The following OTOGL variants were observed in gnomAD, a reference collection of about 807,000 sequenced individuals.
OTOGL encodes otogelin-like protein.
A neutral mutation model predicts 318.5 loss-of-function variants in OTOGL; 285 were observed. The observed-to-expected ratio is 0.89, with a 90% CI of 0.81 to 0.99. OTOGL has a LOEUF of 0.99. OTOGL is among the 50% of genes least tolerant of loss of function. The pLI is 0.00. For synonymous variants in OTOGL, 987 were observed against 936.5 expected (o/e 1.05, Z -0.99); for missense variants, 2,899 against 2,845.6 (o/e 1.02, Z -0.43).
chr12:80,352,833 A>C (rs1382008494), intron 45 of OTOGL, among the ~76,000 whole-genome samples: 1 of 152,224 alleles, frequency 6.6e-6, no homozygotes, highest in African/African-American at 2.4e-5. Context: ...TTGACAATCC[A>C]CAAGGATTTT....
At chr12:80,160,754 A>C (rs2137192239) in intron 1 of OTOGL, among the ~76,000 whole-genome samples, 1 of 152,328 alleles carries the variant, frequency 6.6e-6, no homozygotes, top group South Asian at 2.1e-4. Flanking sequence ...GAGGAAAAGA[A>C]GTCATTATAT....
chr12:80,365,943 A>T (rs578032269), intron 52 of OTOGL, among the ~76,000 whole-genome samples: 5 of 152,126 alleles, frequency 3.3e-5, no homozygotes, highest in Non-Finnish European at 5.9e-5. Context: ...GTCAGTCCTG[A>T]TAGGGCAAAG....
Position 80,253,458 on chromosome 12 carries a change from T to C in OTOGL, c.1286-8T>C. 1 of 1,605,316 alleles carries C rather than the reference T, an allele frequency of 6.2e-7. No individual in the cohort carries two copies. The highest frequency in any genetic ancestry group is 8.5e-7 in the Non-Finnish European group (1 of 1,172,416). ...TTGAAATTTTGATGTGTATTTCTTC[T>C]CAATTAGGCCTCGTAATGGACAATG... On this transcript the variant is annotated splice_region_variant and splice_polypyrimidine_tract_variant and intron_variant, in intron 13 of 58. Coordinates refer to ENST00000547103, the MANE Select transcript of OTOGL (RefSeq NM_001378609.3).
At chr12:80,349,136 T>C (rs1296568687) in intron 44 of OTOGL, among the ~76,000 whole-genome samples, 2 of 151,964 alleles carry the variant, frequency 1.3e-5, no homozygotes, top group Non-Finnish European at 2.9e-5. Flanking sequence ...GTGTGCATCA[T>C]CAGAGTAAAA....
chr12:80,200,888 G>T lies in OTOGL; in HGVS notation c.-19-8525G>T, dbSNP rs181770826. On this transcript the variant is annotated intron_variant, in intron 1 of 58. Transcript: ENST00000547103. ...TACTATGATGAGAAAAATGGCAGTG[G>T]TATGAATGATCTACATCACAGAGAA... 2.4e-3 allele frequency among the ~76,000 whole-genome samples: 370 copies of T among 152,302 alleles called. 2 individuals carry two copies. Among genetic ancestry groups the T allele is most frequent in the Non-Finnish European group, 4.2e-3 (286 of 68,028 alleles).
At position 80,148,663 on chromosome 12, in the gene OTOGL, C is replaced by T. The variant is rs182855279; in HGVS notation, c.-20+49058C>T. On this transcript the variant is annotated intron_variant, in intron 1 of 58. Coordinates refer to ENST00000547103, the MANE Select transcript of OTOGL (RefSeq NM_001378609.3). Reference sequence around the variant, plus strand: ...CTGCAGAGTGTTTTTCAACTTGGTTCCATTCTCCTCGTCACTTTCAGGTAC... The same window carrying T: ...CTGCAGAGTGTTTTTCAACTTGGTTTCATTCTCCTCGTCACTTTCAGGTAC... Among the ~76,000 whole-genome samples, 356 of 152,282 alleles carry T rather than the reference C, an allele frequency of 2.3e-3. 3 individuals are homozygous for T. Among genetic ancestry groups the T allele is most frequent in the African/African-American group, 7.7e-3 (318 of 41,550 alleles).
chr12:80,320,439 T>C lies in OTOGL; in HGVS notation c.3820T>C (p.Leu1274=). ...EKVSSLALVS[L]ESAERPNYFL... Reference sequence around the variant, plus strand: ...TTTTACAGCATTAGCACTTGTTTCCTTGGAATCTGCTGAAAGGCCAAACTA... The same window carrying C: ...TTTTACAGCATTAGCACTTGTTTCCCTGGAATCTGCTGAAAGGCCAAACTA... Residue 1274 remains leucine (L), a synonymous_variant, in exon 34 of 59, where the codon TTG becomes CTG. Transcript: ENST00000547103. 6.2e-7 allele frequency: 1 copy of C among 1,612,728 alleles called. No individual in the cohort carries two copies. The highest frequency in any genetic ancestry group is 8.5e-7 in the Non-Finnish European group (1 of 1,179,092).
chr12:80,266,675 C>T (rs748497941), intron 21 of OTOGL, 59 bp downstream of exon 21: 20 of 1,457,820 alleles, frequency 1.4e-5, no homozygotes, highest in Admixed American at 1.3e-4. Flanking sequence ...TCCTTACGGG[C>T]TAAATGAGCT....
At chr12:80,285,254 A>T (rs1884526926) in intron 26 of OTOGL, among the ~76,000 whole-genome samples, 1 of 152,110 alleles carries the variant, frequency 6.6e-6, no homozygotes, top group Non-Finnish European at 1.5e-5. Context: ...TTTTGATACC[A>T]GTAGCTTGCT....
intron 1 of OTOGL, among the ~76,000 whole-genome samples, chr12:80,162,511 G>T (rs561216246): frequency 5.9e-5 from 9 of 152,184 alleles, no homozygotes; most frequent in African/African-American, 2.2e-4. Flanking sequence ...TTATTGTCTG[G>T]GTTTTGGAGG....
rs1869662662 is a variant in OTOGL, at chr12:80,108,940, A to ATATATATATATATG, written c.-20+9348_-20+9349insGTATATATATATAT. 2.1e-5 allele frequency among the ~76,000 whole-genome samples: 3 copies of ATATATATATATATG among 141,190 alleles called. 1 individual carries two copies. The highest frequency in any genetic ancestry group is 8.2e-5 in the African/African-American group (3 of 36,660). 92.6% of individuals were successfully genotyped at this position (141,190 alleles called of 152,430 possible). On this transcript the variant is annotated intron_variant, in intron 1 of 58. Coordinates refer to ENST00000547103, the MANE Select transcript of OTOGL (RefSeq NM_001378609.3). Reference sequence around the variant, plus strand: ...TGTGTATATATATATGTGTGTGTATATATATATATATATACACACACACAT... The same window carrying ATATATATATATATG: ...TGTGTATATATATATGTGTGTGTATATATATATATATATGTATATATATATATACACACACACAT...
chr12:80,207,953 T>C (rs973832009), intron 1 of OTOGL, among the ~76,000 whole-genome samples: 1 of 152,224 alleles, frequency 6.6e-6, no homozygotes, highest in African/African-American at 2.4e-5. Flanking sequence ...GTCTAATTAG[T>C]TCAAGAGTAA....
rs1272291689 is a variant in OTOGL, at chr12:80,378,129, C to A, written c.*81C>A. On this transcript the variant is annotated 3_prime_UTR_variant, in exon 59 of 59. Coordinates refer to ENST00000547103, the MANE Select transcript of OTOGL (RefSeq NM_001378609.3). ...TTATTGCTATTACTTAGGCATGTGG[C>A]AGATTTATGCTGTTTAACAATACTG... is the stretch of plus-strand genomic sequence containing the variant. The A allele has an allele frequency of 4.8e-6, 5 of 1,049,516 alleles. No homozygotes were observed. Among genetic ancestry groups the A allele is most frequent in the Non-Finnish European group, 6.9e-6 (5 of 729,304 alleles). The allele number at this position is 1,049,516 out of a possible 1,614,324, so 65.0% of individuals were successfully genotyped here. A position where few individuals can be genotyped will look rare whatever the true frequency, so the allele number is the denominator to read the frequency against.
chr12:80,304,349 G>C (rs1235021887), intron 28 of OTOGL, among the ~76,000 whole-genome samples: 1 of 151,650 alleles, frequency 6.6e-6, no homozygotes, highest in East Asian at 1.9e-4. Flanking sequence ...TGATTATTTT[G>C]AATATTTATT....
chr12:80,323,145 CACAT>C (rs1327189231), intron 34 of OTOGL, among the ~76,000 whole-genome samples: 1,207 of 30,390 alleles, frequency 0.04, 18 homozygotes, highest in East Asian at 0.094. Flanking sequence ...CACACACACA[CACAT>C]ATATAAAATA....
intron 1 of OTOGL, among the ~76,000 whole-genome samples, chr12:80,123,164 C>G (rs1034622772): frequency 6.6e-6 from 1 of 152,062 alleles, no homozygotes; most frequent in African/African-American, 2.4e-5. Context: ...AGGTATATCT[C>G]CTAATGCTAT....
intron 50 of OTOGL, 86 bp downstream of exon 50, chr12:80,358,435 A>G (rs1465535744): frequency 2.6e-5 from 29 of 1,125,698 alleles, no homozygotes; most frequent in Non-Finnish European, 3.7e-5. Context: ...GTTACATCAG[A>G]CCCTTTTTCA....
intron 1 of OTOGL, among the ~76,000 whole-genome samples, chr12:80,173,195 A>G (rs1341061780): frequency 6.6e-6 from 1 of 151,276 alleles, no homozygotes; most frequent in Non-Finnish European, 1.5e-5. Flanking sequence ...ATAAAGGGAG[A>G]GCAAGTTTAT....
chr12:80,358,339 G>T lies in OTOGL; in HGVS notation c.6111G>T (p.Gln2037His). 4 of 1,591,738 alleles carry T rather than the reference G, an allele frequency of 2.5e-6. No individual in the cohort carries two copies. The highest frequency in any genetic ancestry group is 1.1e-5 in the South Asian group (1 of 89,692). Residue 2037 changes from glutamine to histidine, a missense_variant, in exon 50 of 59, where the codon CAG becomes CAT. This residue lies in a region of OTOGL where 2,607 missense variants were observed against 2,524.9 expected (regional missense o/e 1.03). Transcript: ENST00000547103. ...ATAGCACACACTTCTGTTGTCCTCA[G>T]TATTACTGTGGTAAGTGTATATTAA... ...DLNSTHFCCP[Q>H]YYCVCEPNLC...
Sources: allele counts gnomAD v4.1 joint callset (sites outside exome capture counted in the v4.1 genomes callset), GRCh38; gene constraint gnomAD v4.1.1; regional missense constraint gnomAD v4.1.1; transcripts MANE v1.5; gene names NCBI Gene and HGNC (gene_info 2026-07-23, HGNC 2026-07-21).